The following PDE4D variants were observed in gnomAD, a reference collection of about 807,000 sequenced individuals.
PDE4D encodes phosphodiesterase 4D.
Under a neutral mutation model 87.4 loss-of-function variants are expected in PDE4D, and 24 were observed. That is an observed-to-expected ratio of 0.27 (90% CI 0.20 to 0.39). The LOEUF (loss-of-function observed/expected upper bound fraction) is 0.39, where lower values mean the gene tolerates loss of function less well. Among genes scored for constraint, PDE4D ranks in the 10% least tolerant of loss-of-function variants. PDE4D has a pLI of 1.00. For synonymous variants in PDE4D, 384 were observed against 383.2 expected (o/e 1.00, Z -0.02); for missense variants, 714 against 1,041.0 (o/e 0.69, Z 4.32).
intron 1 of PDE4D, among the ~76,000 whole-genome samples, chr5:59,745,747 C>T (rs747087482): frequency 1.0e-4 from 15 of 149,042 alleles, no homozygotes; most frequent in African/African-American, 2.5e-5. Flanking sequence ...TTCCTTAGGG[C>T]AAAAAAAAAG....
chr5:60,189,838 A>C (rs565304668), intron 1 of PDE4D, among the ~76,000 whole-genome samples: 1 of 152,362 alleles, frequency 6.6e-6, no homozygotes, highest in South Asian at 2.1e-4. Context: ...TCAGATAAAC[A>C]ACAAACTTTC....
intron 1 of PDE4D, among the ~76,000 whole-genome samples, chr5:59,395,276 C>T (rs991714727): frequency 6.6e-6 from 1 of 152,198 alleles, no homozygotes; most frequent in African/African-American, 2.4e-5. Flanking sequence ...ACTCTGGGGG[C>T]AGGGCAGGGC....
At position 59,248,299 on chromosome 5, in the gene PDE4D, G is replaced by T. The variant is rs931755662; in HGVS notation, c.456-32331C>A. On this transcript the variant is annotated intron_variant, in intron 1 of 14. Coordinates refer to ENST00000340635, the MANE Select transcript of PDE4D (RefSeq NM_001104631.2). ...ACTTTTTAGGAGACTGTTATGTTTT[G>T]CCCCCAAAGACTAGTCAGGGCACAC... Among the ~76,000 whole-genome samples the T allele has an allele frequency of 3.3e-5, 5 of 150,890 alleles. 1 individual carries two copies. The East Asian group carries it at 5.9e-4, about 18-fold the overall frequency.
chr5:59,091,731 G>A (rs1580749738), intron 5 of PDE4D, among the ~76,000 whole-genome samples: 1 of 151,864 alleles, frequency 6.6e-6, no homozygotes, highest in East Asian at 1.9e-4. Flanking sequence ...GATCATAGTA[G>A]GTATTTACTT....
chr5:59,192,241 A>AT (rs1300852773), intron 3 of PDE4D, among the ~76,000 whole-genome samples: 1 of 152,222 alleles, frequency 6.6e-6, no homozygotes, highest in African/African-American at 2.4e-5. Context: ...TACTTATGAC[A>AT]TTTTAGAAAT....
chr5:59,789,302 G>A (rs1765520826), intron 1 of PDE4D, among the ~76,000 whole-genome samples: 1 of 152,196 alleles, frequency 6.6e-6, no homozygotes, highest in Non-Finnish European at 1.5e-5. Flanking sequence ...TCAGTATAAA[G>A]GCTGGTTTCT....
At chr5:59,430,429 A>G in intron 1 of PDE4D, 1 of 1,231,074 alleles carries the variant, frequency 8.1e-7, no homozygotes. Flanking sequence ...TATATCCAAA[A>G]GGCAAGAAGT....
intron 1 of PDE4D, among the ~76,000 whole-genome samples, chr5:59,705,029 TC>T (rs1398287977): frequency 6.6e-6 from 1 of 152,152 alleles, no homozygotes; most frequent in African/African-American, 2.4e-5. Flanking sequence ...AAGACAACTA[TC>T]AGGGATAAAC....
intron 1 of PDE4D, among the ~76,000 whole-genome samples, chr5:60,258,807 A>G (rs1749353902): frequency 6.6e-6 from 1 of 152,008 alleles, no homozygotes; most frequent in Non-Finnish European, 1.5e-5. Flanking sequence ...AATATTTCCT[A>G]TATACAAAAG....
chr5:59,941,628 C>T (rs1480902678), intron 3 of PDE4D, among the ~76,000 whole-genome samples: 1 of 152,224 alleles, frequency 6.6e-6, no homozygotes, highest in Non-Finnish European at 1.5e-5. Flanking sequence ...GCCCCCGCCA[C>T]CACCAGGCAA....
chr5:60,167,515 G>A (rs543507820), intron 2 of PDE4D, among the ~76,000 whole-genome samples: 1 of 151,910 alleles, frequency 6.6e-6, no homozygotes, highest in African/African-American at 2.4e-5. Flanking sequence ...TGATCCGCCC[G>A]CCTCGGCCTG....
At chr5:58,976,612 G>C (rs1297408462) in intron 12 of PDE4D, 140 bp from the exon 13 acceptor site, 3 of 678,578 alleles carry the variant, frequency 4.4e-6, no homozygotes, top group Non-Finnish European at 7.4e-6. Context: ...CTACTCCTTG[G>C]GGGCAGAGTC....
intron 1 of PDE4D, among the ~76,000 whole-genome samples, chr5:59,763,762 A>T (rs1762459090): frequency 1.3e-5 from 2 of 152,338 alleles, no homozygotes; most frequent in South Asian, 2.1e-4. Flanking sequence ...CACTAGAACT[A>T]CAAGGCATTG....
intron 1 of PDE4D, among the ~76,000 whole-genome samples, chr5:59,750,084 CTTT>C (rs35243469): frequency 0.044 from 5,778 of 131,400 alleles, 135 homozygotes; most frequent in Non-Finnish European, 0.06. Context: ...GAATTATGAC[CTTT>C]TTTTTTTTTT....
intron 1 of PDE4D, among the ~76,000 whole-genome samples, chr5:59,633,507 A>G (rs1831839718): frequency 6.6e-6 from 1 of 152,208 alleles, no homozygotes. Flanking sequence ...GGTTACCCAC[A>G]AAGGGAAGCC....
intron 1 of PDE4D, among the ~76,000 whole-genome samples, chr5:59,340,332 A>T (rs1778498137): frequency 6.6e-6 from 1 of 152,168 alleles, no homozygotes; most frequent in Non-Finnish European, 1.5e-5. Flanking sequence ...TGTAATTTTA[A>T]ATTTTTAAAA....
intron 2 of PDE4D, among the ~76,000 whole-genome samples, chr5:59,205,528 A>G (rs931621709): frequency 2.0e-5 from 3 of 152,072 alleles, no homozygotes; most frequent in South Asian, 2.1e-4. Context: ...CTGAAGGCAC[A>G]TAGAAGTAAA....
chr5:59,420,983 G>A (rs752966297), intron 1 of PDE4D, among the ~76,000 whole-genome samples: 4 of 152,078 alleles, frequency 2.6e-5, no homozygotes, highest in East Asian at 1.9e-4. Flanking sequence ...TGAGACCTCC[G>A]TACGCGTATG....
intron 1 of PDE4D, among the ~76,000 whole-genome samples, chr5:59,319,439 A>G (rs1774331085): frequency 6.6e-6 from 1 of 152,088 alleles, no homozygotes. Flanking sequence ...AAAGTTTCAA[A>G]CACTCAGTTG....
Sources: allele counts gnomAD v4.1 joint callset (sites outside exome capture counted in the v4.1 genomes callset), GRCh38; gene constraint gnomAD v4.1.1; transcripts MANE v1.5; gene names NCBI Gene and HGNC (gene_info 2026-07-23, HGNC 2026-07-21).